The following PABPC4 variants were observed in gnomAD, a reference collection of about 807,000 sequenced individuals.
The protein encoded by PABPC4 is poly(A) binding protein cytoplasmic 4.
Under a neutral mutation model 74.5 loss-of-function variants are expected in PABPC4, and 15 were observed. The observed-to-expected ratio is 0.20, with a 90% CI of 0.13 to 0.31. PABPC4 has a LOEUF of 0.31. PABPC4 is among the 10% of genes least tolerant of loss of function. The pLI is 1.00. For synonymous variants in PABPC4, 345 were observed against 303.0 expected (o/e 1.14, Z -1.44); for missense variants, 610 against 853.5 (o/e 0.71, Z 3.55).
Position 39,576,543 on chromosome 1 carries a change from G to A in PABPC4, c.-592C>T, listed in dbSNP as rs1242284305. On this transcript the variant is annotated 5_prime_UTR_variant, in exon 1 of 16. Coordinates refer to ENST00000372858, the MANE Select transcript of PABPC4 (RefSeq NM_001135653.2). ...GGGGAGGGCACGGCGGGCCGGGCGGGCGGCTCACCCCCGGACCGACGGACG... is the reference window on the plus strand; with the variant it reads ...GGGGAGGGCACGGCGGGCCGGGCGGACGGCTCACCCCCGGACCGACGGACG... 2.0e-5 allele frequency: 3 copies of A among 149,954 alleles called. No homozygotes were observed. The highest frequency in any genetic ancestry group is 2.0e-4 in the Admixed American group (3 of 15,000). The allele number at this position is 149,954 out of a possible 1,614,324, so 9.3% of individuals were successfully genotyped here.
In PABPC4 at chr1:39,564,440, G is replaced by A; in HGVS notation, c.1436C>T (p.Thr479Ile). Residue 479 changes from threonine (T) to isoleucine (I), a missense_variant, in exon 10 of 16, where the codon ACT becomes ATT. By Grantham distance (89) the Thr-to-Ile change is moderately conservative (BLOSUM62 -1). Around this residue, in one of 4 missense-constraint regions of PABPC4, gnomAD observed 277 missense variants for 301.8 expected, o/e 0.92. Transcript: ENST00000372858. ...GNAPASRGLP[T>I]TTQRVGSECP... ...TTGCTCACCGACTCTCTGAGTGGTA[G>A]TAGGGAGGCCACGAGAGGCCGGAGC... 6.2e-7 allele frequency: 1 copy of A among 1,614,054 alleles called. No homozygotes were observed. The highest frequency in any genetic ancestry group is 8.5e-7 in the Non-Finnish European group (1 of 1,180,032).
chr1:39,561,815 A>T, intron 14 of PABPC4, 28 bp from the exon 15 acceptor site: 2 of 1,587,674 alleles, frequency 1.3e-6, no homozygotes, highest in African/African-American at 2.7e-5. Context: ...GTGGTCAGTG[A>T]ATCTAGGAGA....
chr1:39,564,622 GAA>G (rs1237534805), intron 9 of PABPC4, 62 bp downstream of exon 9: 5 of 1,609,402 alleles, frequency 3.1e-6, no homozygotes, highest in Non-Finnish European at 4.3e-6. Flanking sequence ...GGGGAAGAAG[GAA>G]AGGCAGGGGA....
At chr1:39,567,999 T>C in intron 6 of PABPC4, 153 bp from the exon 7 acceptor site, 2 of 550,410 alleles carry the variant, frequency 3.6e-6, no homozygotes, top group South Asian at 4.1e-5. Flanking sequence ...GGCTCACGCC[T>C]GTAATCCCAG....
chr1:39,575,621 A>G (rs556863401), intron 1 of PABPC4, 138 bp downstream of exon 1: 4 of 646,596 alleles, frequency 6.2e-6, no homozygotes, highest in South Asian at 2.3e-5. Context: ...CCGCGTTCTC[A>G]ATCTCCGCAC....
chr1:39,564,338 C>G, intron 10 of PABPC4, 85 bp downstream of exon 10: 1 of 1,514,704 alleles, frequency 6.6e-7, no homozygotes, highest in Non-Finnish European at 8.9e-7. Flanking sequence ...AATTCGAGCC[C>G]AACAAACTGA....
At chr1:39,564,231 T>A in intron 10 of PABPC4, 192 bp downstream of exon 10, 1 of 679,426 alleles carries the variant, frequency 1.5e-6, no homozygotes, top group Non-Finnish European at 2.4e-6. Flanking sequence ...GCAAAGAATG[T>A]TAAAAGCAAC....
chr1:39,571,778 T>C, intron 2 of PABPC4: 1 of 362,146 alleles, frequency 2.8e-6, no homozygotes, highest in South Asian at 2.1e-5. Flanking sequence ...GAGGCTGAGG[T>C]GGGAGGATGG....
In PABPC4 at chr1:39,568,669, C is replaced by T; in HGVS notation, c.876+133G>A. On this transcript the variant is annotated intron_variant, in intron 6 of 15. Coordinates refer to ENST00000372858, the MANE Select transcript of PABPC4 (RefSeq NM_001135653.2). ...TGTAGTAGGTATATATCCTTTTAAA[C>T]CTCATCTTTTTAGGTAAAATGGGAA... 3 of 809,440 alleles carry T rather than the reference C, an allele frequency of 3.7e-6. No individual in the cohort carries two copies. The Admixed American group carries it at 7.1e-5, about 19-fold the overall frequency. The allele number at this position is 809,440 out of a possible 1,614,324, so 50.1% of individuals were successfully genotyped here.
At chr1:39,562,247 A>C in intron 13 of PABPC4, 44 bp from the exon 14 acceptor site, 1 of 1,613,010 alleles carries the variant, frequency 6.2e-7, no homozygotes, top group Non-Finnish European at 8.5e-7. Context: ...AAATCCCAGT[A>C]AACAATGGAC....
At chr1:39,568,180 C>A in intron 6 of PABPC4, 1 of 194,518 alleles carries the variant, frequency 5.1e-6, no homozygotes, top group Non-Finnish European at 1.0e-5. Flanking sequence ...TGGTGCGAAC[C>A]CGGGAGGCGG....
At position 39,564,991 on chromosome 1, in the gene PABPC4, G is replaced by A. The variant is rs1362400977; in HGVS notation, c.1245+115C>T. On this transcript the variant is annotated intron_variant, in intron 8 of 15. Transcript: ENST00000372858. ...GGTAAGTCCTTCATTTTTACTTGAAGGGTCCTTATTGTGACATTCTAGAAC... is the reference window on the plus strand; with the variant it reads ...GGTAAGTCCTTCATTTTTACTTGAAAGGTCCTTATTGTGACATTCTAGAAC... 7.8e-6 allele frequency: 9 copies of A among 1,154,792 alleles called. No homozygotes were observed. In the East Asian group the frequency reaches 1.5e-4, roughly 19 times the overall value. 71.5% of individuals were successfully genotyped at this position (1,154,792 alleles called of 1,614,324 possible).
At chr1:39,570,995 C>G in intron 3 of PABPC4, 1 of 1,312,230 alleles carries the variant, frequency 7.6e-7, no homozygotes, top group Non-Finnish European at 1.0e-6. Context: ...AACCCACAGA[C>G]AGATGCCTTT....
intron 14 of PABPC4, 47 bp downstream of exon 14, chr1:39,562,026 C>G (rs778202043): frequency 1.3e-6 from 2 of 1,595,718 alleles, no homozygotes; most frequent in East Asian, 2.2e-5. Flanking sequence ...TGCCCCCAGT[C>G]TTCCCAAGCT....
chr1:39,565,454 C>A (rs1238084462), intron 7 of PABPC4, 76 bp from the exon 8 acceptor site: 60 of 1,484,800 alleles, frequency 4.0e-5, no homozygotes, highest in Middle Eastern at 1.8e-4. Flanking sequence ...GTAATCCCAG[C>A]ACTTTGGAAG....
At chr1:39,570,105 C>T in intron 3 of PABPC4, 103 bp from the exon 4 acceptor site, 1 of 1,131,322 alleles carries the variant, frequency 8.8e-7, no homozygotes, top group South Asian at 1.4e-5. Context: ...GAGGTTAAAA[C>T]ACGAGATCCC....
rs558042537 is a variant in PABPC4, at chr1:39,574,129, C to T, written c.194-1543G>A. Among the ~76,000 whole-genome samples the T allele has an allele frequency of 1.1e-4, 17 of 152,254 alleles. No individual in the cohort carries two copies. In the South Asian group the frequency reaches 3.3e-3, roughly 30 times the overall value. On this transcript the variant is annotated intron_variant, in intron 1 of 15. Coordinates refer to ENST00000372858, the MANE Select transcript of PABPC4 (RefSeq NM_001135653.2). The stretch of plus-strand genomic sequence containing the variant: ...TTAGCCGGGAGAATTTATTTTCACT[C>T]ATTATTTCCAACAACTTTCCCCACC...
intron 6 of PABPC4, chr1:39,568,120 G>C: frequency 3.6e-6 from 1 of 281,064 alleles, no homozygotes; most frequent in South Asian, 4.3e-5. Context: ...AGCCAGGCAT[G>C]GTGGCGGGTG....
At position 39,575,876 on chromosome 1, in the gene PABPC4, T is replaced by G; in HGVS notation, c.76A>C (p.Met26Leu). The G allele has an allele frequency of 1.2e-6, 2 of 1,612,432 alleles. No homozygotes were observed. Among genetic ancestry groups the G allele is most frequent in the South Asian group, 2.2e-5 (2 of 91,000 alleles). ...GDLHSDVTEA[M>L]LYEKFSPAGP... ...GCGGGGCTGAACTTTTCGTACAGCA[T>G]GGCCTCGGTGACGTCCGAATGCAGG... Residue 26 changes from methionine (M) to leucine (L), a missense_variant, in exon 1 of 16, where the codon ATG becomes CTG. Transcript: ENST00000372858.
Sources: gnomAD v4.1 joint callset for allele counts (sites outside exome capture counted in the v4.1 genomes callset) on GRCh38, gnomAD v4.1.1 for gene constraint, gnomAD v4.1.1 regional missense constraint, MANE v1.5 for transcripts, NCBI Gene and HGNC (gene_info 2026-07-23, HGNC 2026-07-21) for gene names.